MAP4K4: variants seen among roughly 807,000 people sequenced by gnomAD.
MAP4K4 encodes HPK/GCK-like kinase HGK.
MAP4K4 carries 38 observed loss-of-function variants against 189.6 expected under a neutral mutation model. The ratio of observed to expected loss-of-function variants is 0.20; its 90% CI spans 0.15 to 0.26. MAP4K4 has a LOEUF of 0.26. Among genes scored for constraint, MAP4K4 ranks in the 10% least tolerant of loss-of-function variants. The pLI is 1.00. For missense variants in MAP4K4, 1,054 were observed against 1,726.9 expected (o/e 0.61, Z 6.91); for synonymous variants, 610 against 624.3 (o/e 0.98, Z 0.34).
intron 2 of MAP4K4, among the ~76,000 whole-genome samples, chr2:101,788,177 A>C (rs2092036967): frequency 6.6e-6 from 1 of 151,914 alleles, no homozygotes; most frequent in African/African-American, 2.4e-5. Context: ...CATTCCTTTC[A>C]AAAATTAGAA....
At chr2:101,738,683 G>C (rs185772927) in intron 2 of MAP4K4, among the ~76,000 whole-genome samples, 1 of 151,994 alleles carries the variant, frequency 6.6e-6, no homozygotes. Context: ...CCTTGACTCA[G>C]GTGTTGCTTC....
chr2:101,705,812 T>C (rs992383404), intron 2 of MAP4K4, among the ~76,000 whole-genome samples: 3 of 152,184 alleles, frequency 2.0e-5, no homozygotes, highest in Non-Finnish European at 4.4e-5. Flanking sequence ...GTTAGTGAGC[T>C]GGAGAATTGA....
intron 3 of MAP4K4, among the ~76,000 whole-genome samples, chr2:101,816,096 T>A (rs2095696772): frequency 6.6e-6 from 1 of 152,214 alleles, no homozygotes; most frequent in Admixed American, 6.5e-5. Context: ...TTCCCTTTGC[T>A]GCAGCTTGGA....
At chr2:101,780,152 G>A (rs2086602414) in intron 2 of MAP4K4, among the ~76,000 whole-genome samples, 1 of 152,202 alleles carries the variant, frequency 6.6e-6, no homozygotes, top group African/African-American at 2.4e-5. Context: ...GAAGTGCTGA[G>A]AAAGAAGTTA....
intron 3 of MAP4K4, among the ~76,000 whole-genome samples, chr2:101,805,881 C>T (rs975521749): frequency 9.2e-5 from 14 of 152,156 alleles, no homozygotes; most frequent in East Asian, 1.9e-4. Context: ...GTCTCACTGC[C>T]GCTTCCTTCT....
chr2:101,726,147 A>G (rs1337850991), intron 2 of MAP4K4, among the ~76,000 whole-genome samples: 2 of 152,266 alleles, frequency 1.3e-5, no homozygotes, highest in Admixed American at 6.5e-5. Flanking sequence ...CTGTGAAGAT[A>G]AACCAATCAA....
At chr2:101,779,395 A>G (rs1278251221) in intron 2 of MAP4K4, among the ~76,000 whole-genome samples, 1 of 152,228 alleles carries the variant, frequency 6.6e-6, no homozygotes, top group East Asian at 1.9e-4. Flanking sequence ...TAGTAAAGCT[A>G]TAAAACTGCC....
intron 10 of MAP4K4, among the ~76,000 whole-genome samples, chr2:101,840,784 A>C (rs536378202): frequency 6.6e-6 from 1 of 152,238 alleles, no homozygotes; most frequent in African/African-American, 2.4e-5. Context: ...CAAGAAGAGC[A>C]GGTTCAAGGC....
chr2:101,878,493 A>G (rs2098278850), intron 27 of MAP4K4, among the ~76,000 whole-genome samples: 1 of 152,190 alleles, frequency 6.6e-6, no homozygotes, highest in Admixed American at 6.5e-5. Flanking sequence ...TCCATTTTAT[A>G]TGGCTAGAGG....
chr2:101,869,861 A>AC, intron 22 of MAP4K4, 64 bp downstream of exon 22: 1 of 1,462,130 alleles, frequency 6.8e-7, no homozygotes, highest in Non-Finnish European at 9.0e-7. Context: ...TTCCACTGGG[A>AC]CCTAGTTGTT....
At chr2:101,704,971 A>G (rs2149216885) in intron 2 of MAP4K4, among the ~76,000 whole-genome samples, 1 of 152,262 alleles carries the variant, frequency 6.6e-6, no homozygotes, top group South Asian at 2.1e-4. Flanking sequence ...TTCAGTAATA[A>G]GAGTTGGTGA....
At chr2:101,755,940 T>C (rs1016605787) in intron 2 of MAP4K4, among the ~76,000 whole-genome samples, 27 of 128,136 alleles carry the variant, frequency 2.1e-4, no homozygotes, top group African/African-American at 7.1e-4. Context: ...TTTTTTTTTT[T>C]TTTTTTTTTT....
intron 2 of MAP4K4, among the ~76,000 whole-genome samples, chr2:101,752,538 T>C (rs534583714): frequency 1.3e-5 from 2 of 152,200 alleles, no homozygotes; most frequent in South Asian, 4.1e-4. Context: ...GCTCACCCTG[T>C]GTACCAGAAG....
At chr2:101,790,064 A>C (rs957484332) in intron 2 of MAP4K4, among the ~76,000 whole-genome samples, 1 of 152,178 alleles carries the variant, frequency 6.6e-6, no homozygotes, top group Non-Finnish European at 1.5e-5. Context: ...TAATTTTAAA[A>C]AAAGAATTTG....
intron 2 of MAP4K4, among the ~76,000 whole-genome samples, chr2:101,706,337 A>C (rs1310490132): frequency 6.6e-6 from 1 of 152,202 alleles, no homozygotes; most frequent in Non-Finnish European, 1.5e-5. Flanking sequence ...TGCCTCCCTT[A>C]AGTGGGCATA....
intron 2 of MAP4K4, among the ~76,000 whole-genome samples, chr2:101,751,110 A>G (rs975291624): frequency 3.3e-5 from 5 of 152,168 alleles, no homozygotes; most frequent in Admixed American, 2.6e-4. Context: ...TGTGTTGGAA[A>G]GTATGATGGG....
chr2:101,833,124 A>C (rs1191108281), intron 7 of MAP4K4, among the ~76,000 whole-genome samples: 1 of 152,162 alleles, frequency 6.6e-6, no homozygotes, highest in Non-Finnish European at 1.5e-5. Context: ...AATGAAAATA[A>C]GGGAGGAATG....
rs542737935 is a variant in MAP4K4, at chr2:101,782,021, C to T, written c.124-8699C>T. Among the ~76,000 whole-genome samples the T allele has an allele frequency of 1.2e-4, 19 of 152,200 alleles. No homozygotes were observed. The East Asian group carries it at 2.5e-3, about 20-fold the overall frequency. ...ATATTACTGCCTGACGTAATATTCC[C>T]GGAGGCTATCCCTTAATTGCAAAGA... is the stretch of plus-strand genomic sequence containing the variant. On this transcript the variant is annotated intron_variant, in intron 2 of 32. Coordinates refer to ENST00000324219, the Ensembl canonical transcript of MAP4K4.
chr2:101,721,630 T>G (rs2149449971), intron 2 of MAP4K4, among the ~76,000 whole-genome samples: 1 of 152,254 alleles, frequency 6.6e-6, no homozygotes, highest in African/African-American at 2.4e-5. Context: ...GAGACAGGGT[T>G]TCACCATTAT....
Sources: allele counts gnomAD v4.1 joint callset (sites outside exome capture counted in the v4.1 genomes callset), GRCh38; gene constraint gnomAD v4.1.1; transcripts MANE v1.5; gene names NCBI Gene and HGNC (gene_info 2026-07-23, HGNC 2026-07-21).